PPP1R13L: variants seen among roughly 807,000 people sequenced by gnomAD.
PPP1R13L encodes the protein relA-associated inhibitor.
In PPP1R13L, 50 loss-of-function variants were observed where a neutral mutation model predicts 80.9. The ratio of observed to expected loss-of-function variants is 0.62; its 90% CI spans 0.49 to 0.78. The LOEUF (loss-of-function observed/expected upper bound fraction) is 0.78. Among genes scored for constraint, PPP1R13L ranks in the 30% least tolerant of loss-of-function variants. PPP1R13L has a pLI of 0.00. For synonymous variants in PPP1R13L, 602 were observed against 534.3 expected, an observed-to-expected ratio of 1.13 and a Z score of -1.75; for missense variants, 1,200 against 1,205.9, an observed-to-expected ratio of 1.00 and a Z score of 0.07.
intron 1 of PPP1R13L, among the ~76,000 whole-genome samples, 196 bp downstream of exon 1, chr19:45,404,803 C>A (rs921068403): frequency 6.6e-6 from 1 of 152,190 alleles, no homozygotes; most frequent in Non-Finnish European, 1.5e-5. Context: ...CCCTCCATTC[C>A]AAGAATTCAG....
intron 1 of PPP1R13L, among the ~76,000 whole-genome samples, chr19:45,402,784 CCTCT>C (rs1226580017): frequency 6.6e-6 from 1 of 152,240 alleles, no homozygotes; most frequent in African/African-American, 2.4e-5. Flanking sequence ...CCCCTGGGCT[CCTCT>C]CTCCGCTCCA....
chr19:45,404,189 A>C (rs1381743218), intron 1 of PPP1R13L, among the ~76,000 whole-genome samples: 1 of 152,112 alleles, frequency 6.6e-6, no homozygotes, highest in Non-Finnish European at 1.5e-5. Flanking sequence ...GTAATGGTTA[A>C]ATGCCCGGCT....
chr19:45,404,383 A>G (rs1255562137), intron 1 of PPP1R13L, among the ~76,000 whole-genome samples: 3 of 151,980 alleles, frequency 2.0e-5, no homozygotes, highest in Non-Finnish European at 1.5e-5. Flanking sequence ...GGTTAATGAC[A>G]TGTTGGGTTC....
Position 45,395,825 on chromosome 19 carries a change from C to T in PPP1R13L, c.965G>A (p.Arg322Gln). 1 of 1,594,848 alleles carries T rather than the reference C, an allele frequency of 6.3e-7. No homozygotes were observed. The highest frequency in any genetic ancestry group is 2.3e-5 in the East Asian group (1 of 44,348). The change falls in exon 7 of 13, where the codon CGG becomes CAG. Residue 322 changes from arginine (R) to glutamine (Q), a missense_variant. Arg to Gln is a conservative substitution (Grantham distance 43). Transcript: ENST00000360957. ...CCGGTAGCTGCCCGCGTCTGAACGC[C>T]GGTCGCTGGCCAGAGGAGAGACCTT... ...NYKVSPLASD[R>Q]RSDAGSYRRS...
At chr19:45,389,652 A>G (rs1420098928) in intron 8 of PPP1R13L, among the ~76,000 whole-genome samples, 1 of 152,088 alleles carries the variant, frequency 6.6e-6, no homozygotes, top group Admixed American at 6.6e-5. Flanking sequence ...TCTACTAAAA[A>G]TACAAAAATT....
intron 8 of PPP1R13L, among the ~76,000 whole-genome samples, chr19:45,390,077 C>T (rs912754175): frequency 6.6e-6 from 1 of 150,630 alleles, no homozygotes; most frequent in Non-Finnish European, 1.5e-5. Flanking sequence ...AGGCATGAAC[C>T]ACCACGCCCG....
At chr19:45,401,444 C>T (rs536071390) in intron 1 of PPP1R13L, among the ~76,000 whole-genome samples, 31 of 152,094 alleles carry the variant, frequency 2.0e-4, no homozygotes, top group African/African-American at 5.5e-4. Flanking sequence ...GCAATCCTCC[C>T]GCCTCAGCCT....
In PPP1R13L at chr19:45,395,308, T is replaced by C. The variant is rs769979080; in HGVS notation, c.1354+128A>G. ...AATTCCCAAACTCACCTGGCCTAGC[T>C]CTCTGCAGGGACAGTGCTTGTAAAG... On this transcript the variant is annotated intron_variant, in intron 7 of 12. Transcript: ENST00000360957. 8.3e-5 allele frequency: 108 copies of C among 1,300,010 alleles called. 1 individual carries two copies. Among genetic ancestry groups the C allele is most frequent in the South Asian group, 3.3e-4 (26 of 77,932 alleles). The allele number at this position is 1,300,010 out of a possible 1,614,324, so 80.5% of individuals were successfully genotyped here.
chr19:45,392,617 C>T, intron 7 of PPP1R13L: 1 of 542,470 alleles, frequency 1.8e-6, no homozygotes, highest in South Asian at 1.9e-5. Flanking sequence ...GCCATCTCCA[C>T]ATTACCGAAA....
chr19:45,402,241 ACT>A (rs1015609764), intron 1 of PPP1R13L: 1 of 150,988 alleles, frequency 6.6e-6, no homozygotes, highest in Non-Finnish European at 1.5e-5. Flanking sequence ...GCTGTAAGTG[ACT>A]CTTTTTTTTT....
intron 8 of PPP1R13L, among the ~76,000 whole-genome samples, chr19:45,390,730 C>T (rs6509210): frequency 0.27 from 40,422 of 151,946 alleles, 6,092 homozygotes; most frequent in African/African-American, 0.39. Context: ...ATTACAGGCA[C>T]GCGCCACCGC....
At chr19:45,397,472 CTCTTTCTT>C (rs71173161) in intron 3 of PPP1R13L, among the ~76,000 whole-genome samples, 115 of 83,404 alleles carry the variant, frequency 1.4e-3, no homozygotes, top group South Asian at 6.3e-3. Flanking sequence ...TTCTCTCTCT[CTCTTTCTT>C]TCTTTCTTTC....
rs1972866737 is a variant in PPP1R13L, at chr19:45,386,199, A to G, written c.1816-19T>C. 6.7e-7 allele frequency: 1 copy of G among 1,498,946 alleles called. No homozygotes were observed. The highest frequency in any genetic ancestry group is 8.8e-7 in the Non-Finnish European group (1 of 1,137,452). The allele number at this position is 1,498,946 out of a possible 1,614,324, so 92.9% of individuals were successfully genotyped here. A position where few individuals can be genotyped will look rare whatever the true frequency, so the allele number is the denominator to read the frequency against. ...GCATCTCCTGGGGGACAGGGCGCAG[A>G]GGTCAGCGACTTGGAGGGATTGTTA... On this transcript the variant is annotated intron_variant, in intron 8 of 12. Transcript: ENST00000360957.
At chr19:45,401,261 A>G (rs957479555) in intron 1 of PPP1R13L, among the ~76,000 whole-genome samples, 1 of 150,972 alleles carries the variant, frequency 6.6e-6, no homozygotes, top group African/African-American at 2.4e-5. Context: ...AGGCTGAGGC[A>G]GGAGAATGGT....
At chr19:45,386,299 G>T (rs1216814145) in intron 8 of PPP1R13L, 119 bp from the exon 9 acceptor site, 2 of 1,284,818 alleles carry the variant, frequency 1.6e-6, no homozygotes, top group East Asian at 2.9e-5. Flanking sequence ...GTAGAACTGG[G>T]ATTCCCTCGG....
intron 10 of PPP1R13L, 41 bp downstream of exon 10, chr19:45,385,783 G>T: frequency 6.2e-7 from 1 of 1,608,146 alleles, no homozygotes; most frequent in Non-Finnish European, 8.5e-7. Flanking sequence ...CTGCGCGTCC[G>T]CCCACGGGGG....
chr19:45,396,899 A>G lies in PPP1R13L; in HGVS notation c.358T>C (p.Ser120Pro). ...TGCAGGTAGAGCGGGGTGCGCGGCG[A>G]CGACGGCCGTCCCTTGGGGGACAGC... ...SPLSPKGRPSSPRTPLYLQPD... is the reference protein window; with the variant it reads ...SPLSPKGRPSPPRTPLYLQPD... The change falls in exon 4 of 13, where the codon TCG becomes CCG. Residue 120 changes from serine (S) to proline (P), a missense_variant. Physicochemically the swap from Ser to Pro is moderately conservative, Grantham distance 74. Transcript: ENST00000360957. This position sits in a 1 kb window ranked among gnomAD's most constrained non-coding sequence, Gnocchi z 5.3. The G allele has an allele frequency of 6.6e-7, 1 of 1,517,908 alleles. No homozygotes were observed. The highest frequency in any genetic ancestry group is 2.1e-5 in the Admixed American group (1 of 47,130). The allele number at this position is 1,517,908 out of a possible 1,614,324, so 94.0% of individuals were successfully genotyped here. A position where few individuals can be genotyped will look rare whatever the true frequency, so the allele number is the denominator to read the frequency against.
At chr19:45,399,563 G>A (rs1973191299) in intron 1 of PPP1R13L, among the ~76,000 whole-genome samples, 2 of 151,532 alleles carry the variant, frequency 1.3e-5, no homozygotes, top group South Asian at 4.2e-4. Context: ...GGTGGAGCTT[G>A]AACTGAGCGG....
chr19:45,398,413 G>T (rs1359853039), intron 1 of PPP1R13L, 74 bp from the exon 2 acceptor site: 3 of 1,432,800 alleles, frequency 2.1e-6, no homozygotes, highest in East Asian at 2.4e-5. Flanking sequence ...GTCAGACGCC[G>T]TCAGGAGCGG....
Sources: allele counts gnomAD v4.1 joint callset (sites outside exome capture counted in the v4.1 genomes callset), GRCh38; gene constraint gnomAD v4.1.1; non-coding constraint Gnocchi (gnomAD v3.1); transcripts MANE v1.5; gene names NCBI Gene and HGNC (gene_info 2026-07-23, HGNC 2026-07-21).